Variants in RAB9B observed in about 807,000 individuals in gnomAD.
The protein encoded by RAB9B is RAB9B, member RAS oncogene family.
Under a neutral mutation model 8.9 loss-of-function variants are expected in RAB9B, and 1 was observed. The observed-to-expected ratio is 0.11, with a 90% confidence interval of 0.04 to 0.53. The LOEUF (loss-of-function observed/expected upper bound fraction) is 0.53. Among genes scored for constraint, RAB9B ranks in the 20% least tolerant of loss-of-function variants. The probability of loss-of-function intolerance (pLI) is 0.93; values close to 1 mark genes in which losing one functional copy is unlikely to be tolerated. For synonymous variants in RAB9B, 63 were observed against 57.0 expected (o/e 1.10, Z -0.47); for missense variants, 82 against 152.9 (o/e 0.54, Z 2.45).
At position 103,823,264 on chromosome X, in the gene RAB9B, G is replaced by C. The variant is rs1029137401; in HGVS notation, c.*1915C>G. Reference sequence around the variant, plus strand: ...ACCAGTGTGGCTGGCTATAGGCATAGGCAGGATAGGGACCAGTACTTAAGA... The same window carrying C: ...ACCAGTGTGGCTGGCTATAGGCATACGCAGGATAGGGACCAGTACTTAAGA... On this transcript the variant is annotated 3_prime_UTR_variant, in exon 3 of 3. Transcript: ENST00000243298. 2 of 112,123 alleles carry C rather than the reference G, an allele frequency of 1.8e-5. No individual in the cohort carries two copies. Among genetic ancestry groups the C allele is most frequent in the South Asian group, 3.7e-4 (1 of 2,674 alleles). The allele number at this position is 112,123 out of a possible 1,213,427, so 9.2% of individuals were successfully genotyped here. A position where few individuals can be genotyped will look rare whatever the true frequency, so the allele number is the denominator to read the frequency against.
chrX:103,802,451 G>A, the RAB9B span, among the ~76,000 whole-genome samples: 1 of 111,452 alleles, frequency 9.0e-6, no homozygotes, highest in Non-Finnish European at 1.9e-5. Flanking sequence ...TTTTCTAGTT[G>A]GATACATAGA....
the RAB9B span, among the ~76,000 whole-genome samples, chrX:103,801,651 T>C: frequency 2.7e-5 from 3 of 111,505 alleles, no homozygotes; most frequent in African/African-American, 9.8e-5. Context: ...TCATTCTAAT[T>C]TTAAAGATGA....
the RAB9B span, among the ~76,000 whole-genome samples, chrX:103,810,114 G>C: frequency 9.0e-6 from 1 of 111,198 alleles, no homozygotes; most frequent in Non-Finnish European, 1.9e-5. Context: ...AGGATATTGT[G>C]AACACCTATA....
At chrX:103,791,071 C>G in the RAB9B span, 1 of 131,156 alleles carries the variant, frequency 7.6e-6, no homozygotes, top group South Asian at 2.5e-4. Context: ...ATTCTGGTCT[C>G]TCTATTACCA....
At chrX:103,798,537 C>T in the RAB9B span, among the ~76,000 whole-genome samples, 2 of 111,614 alleles carry the variant, frequency 1.8e-5, no homozygotes, top group Non-Finnish European at 1.9e-5. Context: ...CAATAAATTA[C>T]GTTAAATTTT....
At chrX:103,813,123 G>A in the RAB9B span, among the ~76,000 whole-genome samples, 44 of 109,014 alleles carry the variant, frequency 4.0e-4, no homozygotes, top group Admixed American at 3.1e-3. Flanking sequence ...GGGTTTCACC[G>A]TGTTGGCCAG....
At chrX:103,788,015 C>T in the RAB9B span, 1 of 1,022,402 alleles carries the variant, frequency 9.8e-7, no homozygotes, top group East Asian at 3.0e-5. Context: ...TATGGAAGCA[C>T]TATATATTTG....
At chrX:103,788,937 G>T in the RAB9B span, 55 of 276,377 alleles carry the variant, frequency 2.0e-4, no homozygotes, top group Non-Finnish European at 3.1e-4. Context: ...ACATTTGAAA[G>T]GGAAAGCACT....
rs2074665236 is a variant in RAB9B at position 103,822,482 on chromosome X, G to A, written c.*2697C>T. The stretch of plus-strand genomic sequence containing the variant: ...TCAGAATAAAGTAGAGATGGCTGGG[G>A]CAGGCACAAATTAACCTGATATTCA... On this transcript the variant is annotated 3_prime_UTR_variant, in exon 3 of 3. Transcript: ENST00000243298. The A allele has an allele frequency of 9.0e-6, 1 of 111,460 alleles. No individual in the cohort carries two copies. The highest frequency in any genetic ancestry group is 1.9e-5 in the Non-Finnish European group (1 of 53,107). The allele number at this position is 111,460 out of a possible 1,213,427, so 9.2% of individuals were successfully genotyped here.
intron 1 of RAB9B, among the ~76,000 whole-genome samples, chrX:103,828,489 A>C (rs754993668): frequency 8.9e-5 from 10 of 111,746 alleles, no homozygotes; most frequent in Non-Finnish European, 1.7e-4. Context: ...TACAGAGCAA[A>C]ACTCTTGAAC....
downstream of RAB9B, among the ~76,000 whole-genome samples, chrX:103,820,447 G>A (rs1286004634): frequency 2.7e-5 from 3 of 111,550 alleles, no homozygotes; most frequent in African/African-American, 3.3e-5. Flanking sequence ...TTGATACCTC[G>A]ATTTTCCAGT....
rs1223355101 is a variant in RAB9B, at chrX:103,822,846, T to C, written c.*2333A>G. 3 of 111,364 alleles carry C rather than the reference T, an allele frequency of 2.7e-5. No individual in the cohort carries two copies. The East Asian group carries it at 8.4e-4, about 31-fold the overall frequency. The allele number at this position is 111,364 out of a possible 1,213,427, so 9.2% of individuals were successfully genotyped here. A position where few individuals can be genotyped will look rare whatever the true frequency, so the allele number is the denominator to read the frequency against. Reference sequence around the variant, plus strand: ...ACCCAAATGCCACTGTTTATGTCACTTAATGTTGAGTGCTTTCATTAAGAT... The same window carrying C: ...ACCCAAATGCCACTGTTTATGTCACCTAATGTTGAGTGCTTTCATTAAGAT... On this transcript the variant is annotated 3_prime_UTR_variant, in exon 3 of 3. Transcript: ENST00000243298.
At chrX:103,813,109 G>T in the RAB9B span, among the ~76,000 whole-genome samples, 3,064 of 109,301 alleles carry the variant, frequency 0.028, 112 homozygotes, top group African/African-American at 0.097. Flanking sequence ...TTTTAGTAGA[G>T]ACGGGGTTTC....
the RAB9B span, chrX:103,788,003 A>T: frequency 3.0e-5 from 32 of 1,073,335 alleles, no homozygotes; most frequent in Non-Finnish European, 4.0e-5. Context: ...TCTCCTACCC[A>T]CTATGGAAGC....
the RAB9B span, among the ~76,000 whole-genome samples, chrX:103,802,204 GAA>G: frequency 2.8e-3 from 287 of 101,512 alleles, 4 homozygotes; most frequent in Non-Finnish European, 4.5e-3. Context: ...GAGAGAGAGA[GAA>G]AGAGAGAGAG....
At chrX:103,785,661 G>A in the RAB9B span, 2 of 1,207,412 alleles carry the variant, frequency 1.7e-6, no homozygotes, top group Non-Finnish European at 2.2e-6. Flanking sequence ...GTTTCTTTGG[G>A]GTGGCACTGT....
At chrX:103,816,218 G>A in the RAB9B span, among the ~76,000 whole-genome samples, 1 of 111,089 alleles carries the variant, frequency 9.0e-6, no homozygotes, top group Admixed American at 9.6e-5. Context: ...GCATGGTACC[G>A]GTACCAAAAC....
the RAB9B span, among the ~76,000 whole-genome samples, chrX:103,808,467 C>A: frequency 5.3e-5 from 6 of 112,344 alleles, no homozygotes; most frequent in Admixed American, 1.9e-4. Context: ...ACATTCTGGC[C>A]ATATCGTCTC....
chrX:103,801,448 C>T, the RAB9B span, among the ~76,000 whole-genome samples: 1 of 111,321 alleles, frequency 9.0e-6, no homozygotes, highest in Non-Finnish European at 1.9e-5. Context: ...CATCTGCACT[C>T]TGTCCACCTT....
Sources: allele counts gnomAD v4.1 joint callset (sites outside exome capture counted in the v4.1 genomes callset), GRCh38; gene constraint gnomAD v4.1.1; transcripts MANE v1.5; gene names NCBI Gene and HGNC (gene_info 2026-07-23, HGNC 2026-07-21).